Variants in THBS4 observed in about 807,000 individuals in gnomAD.
The protein encoded by THBS4 is thrombospondin 4, also known as thrombospondin-4.
Under a neutral mutation model 115.7 loss-of-function variants are expected in THBS4, and 90 were observed. The ratio of observed to expected loss-of-function variants is 0.78; its 90% confidence interval spans 0.66 to 0.93. The LOEUF is 0.93. Among genes scored for constraint, THBS4 ranks in the 40% least tolerant of loss-of-function variants. The probability of loss-of-function intolerance (pLI) is 0.00; values close to 1 mark genes in which losing one functional copy is unlikely to be tolerated. For synonymous variants in THBS4, 460 were observed against 479.3 expected, an observed-to-expected ratio of 0.96 and a Z score of 0.53; for missense variants, 1,087 against 1,232.7, an observed-to-expected ratio of 0.88 and a Z score of 1.77.
Position 80,057,226 on chromosome 5 carries a change from C to A in THBS4, c.541-980C>A, listed in dbSNP as rs922232022. On this transcript the variant is annotated intron_variant, in intron 3 of 21. Transcript: ENST00000350881. ...TGCTTATTTCAGAAATTAGTGTTCACCACCAAATAAGTCAATTTCTAAAAG... is the reference window on the plus strand; with the variant it reads ...TGCTTATTTCAGAAATTAGTGTTCAACACCAAATAAGTCAATTTCTAAAAG... Among the ~76,000 whole-genome samples the A allele has an allele frequency of 5.9e-5, 9 of 152,276 alleles. No homozygotes were observed. In the South Asian group the frequency reaches 1.2e-3, roughly 21 times the overall value.
chr5:80,063,046 G>A (rs551391252), intron 8 of THBS4, among the ~76,000 whole-genome samples: 4 of 152,294 alleles, frequency 2.6e-5, no homozygotes, highest in Non-Finnish European at 5.9e-5. Flanking sequence ...TTGGGTATAT[G>A]CCCAGTAATG....
At position 80,061,954 on chromosome 5, in the gene THBS4, G is replaced by A. The variant is rs903505495; in HGVS notation, c.1125+122G>A. 2.7e-6 allele frequency: 3 copies of A among 1,122,692 alleles called. No homozygotes were observed. In the Admixed American group the frequency reaches 9.5e-5, roughly 36 times the overall value. 69.5% of individuals were successfully genotyped at this position (1,122,692 alleles called of 1,614,324 possible). A position where few individuals can be genotyped will look rare whatever the true frequency, so the allele number is the denominator to read the frequency against. On this transcript the variant is annotated intron_variant, in intron 8 of 21. Coordinates refer to ENST00000350881, the MANE Select transcript of THBS4 (RefSeq NM_003248.6). ...AGTCAAGGCCATGTGGAATGTCATG[G>A]TGCAAAATGAGCAAATTAGGAAGTT...
chr5:80,001,216 T>C (rs1396359067), intron 2 of THBS4, among the ~76,000 whole-genome samples: 1 of 152,188 alleles, frequency 6.6e-6, no homozygotes, highest in Non-Finnish European at 1.5e-5. Flanking sequence ...CATCTAGAGG[T>C]GACTGTCAAT....
In THBS4 at chr5:80,083,124, G is replaced by A. The variant is rs146323134; in HGVS notation, c.2869G>A (p.Asp957Asn). Residue 957 changes from aspartate to asparagine, a missense_variant, in exon 22 of 22, where the codon GAC (aspartate) becomes AAC (asparagine). Asp to Asn is a conservative substitution (Grantham distance 23, BLOSUM62 1). Around this residue, in one of 3 missense-constraint regions of THBS4, gnomAD observed 103 missense variants for 108.2 expected, o/e 0.95. Coordinates refer to ENST00000350881, the MANE Select transcript of THBS4 (RefSeq NM_003248.6). ...CCAAGAGTTTCAAACCCAGAATTTC[G>A]ACCGCTTCGATAATTAAACCAAGGA... is the stretch of plus-strand genomic sequence containing the variant. The part of the protein sequence containing the change: ...DFQEFQTQNF[D>N]RFDN The A allele has an allele frequency of 9.8e-5, 158 of 1,613,662 alleles. No individual in the cohort carries two copies. Among genetic ancestry groups the A allele is most frequent in the Non-Finnish European group, 1.3e-4 (149 of 1,179,724 alleles).
At position 80,066,938 on chromosome 5, in the gene THBS4, A is replaced by C. The variant is rs536026068; in HGVS notation, c.1195-1035A>C. On this transcript the variant is annotated intron_variant, in intron 9 of 21. Transcript: ENST00000350881. ...CACAGCCAGGGAGGCTGAAAGATCGAGACAAGTCATTGGAAAGCATGCATT... is the reference window on the plus strand; with the variant it reads ...CACAGCCAGGGAGGCTGAAAGATCGCGACAAGTCATTGGAAAGCATGCATT... 2.6e-5 allele frequency: 4 copies of C among 152,380 alleles called. No individual in the cohort carries two copies. In the South Asian group the frequency reaches 8.3e-4, roughly 32 times the overall value. 9.4% of individuals were successfully genotyped at this position (152,380 alleles called of 1,614,324 possible). A position where few individuals can be genotyped will look rare whatever the true frequency, so the allele number is the denominator to read the frequency against.
At chr5:80,080,579 C>CTTTTTTTTTTTTTTTT (rs67048630) in intron 20 of THBS4, among the ~76,000 whole-genome samples, 648 of 50,476 alleles carry the variant, frequency 0.013, 121 homozygotes, top group Non-Finnish European at 0.016. Context: ...GCGCTTGTAT[C>CTTTTTTTTTTTTTTTT]TTTTTTTTTT....
At chr5:80,018,828 A>G (rs1021218590) in intron 2 of THBS4, among the ~76,000 whole-genome samples, 1 of 152,088 alleles carries the variant, frequency 6.6e-6, no homozygotes, top group Non-Finnish European at 1.5e-5. Flanking sequence ...CAAGTCTGTG[A>G]AAGTGTGATG....
intron 7 of THBS4, among the ~76,000 whole-genome samples, chr5:80,061,038 A>G (rs780594971): frequency 1.3e-5 from 2 of 152,182 alleles, no homozygotes; most frequent in Admixed American, 6.5e-5. Flanking sequence ...TAATCCCTCA[A>G]TTGGAGAAAC....
chr5:80,057,153 C>T (rs1833460422), intron 3 of THBS4, among the ~76,000 whole-genome samples: 1 of 152,174 alleles, frequency 6.6e-6, no homozygotes, highest in Non-Finnish European at 1.5e-5. Flanking sequence ...CTTTCTGCAT[C>T]CCCATAGTAG....
At chr5:80,030,982 C>A (rs1010417820), upstream of THBS4, among the ~76,000 whole-genome samples, 1 of 152,192 alleles carries the variant, frequency 6.6e-6, no homozygotes, top group Non-Finnish European at 1.5e-5. Context: ...TGGGTGATTT[C>A]CCCCACTTGC....
At chr5:80,024,427 C>A (rs1199437589) in intron 2 of THBS4, among the ~76,000 whole-genome samples, 2 of 152,160 alleles carry the variant, frequency 1.3e-5, no homozygotes, top group African/African-American at 4.8e-5. Context: ...TGTTACGCAC[C>A]ACCCTAGAGC....
chr5:80,055,341 A>G (rs1833387448), intron 2 of THBS4, among the ~76,000 whole-genome samples: 1 of 151,162 alleles, frequency 6.6e-6, no homozygotes, highest in South Asian at 2.1e-4. Context: ...AAAAAAGGGA[A>G]GAAATCAAGT....
chr5:80,029,332 A>G (rs1265554269), intron 2 of THBS4, among the ~76,000 whole-genome samples: 2 of 152,200 alleles, frequency 1.3e-5, no homozygotes, highest in African/African-American at 4.8e-5. Flanking sequence ...GAACCACCAT[A>G]TGGATGGATA....
At chr5:80,005,556 C>G (rs1248404191) in intron 2 of THBS4, among the ~76,000 whole-genome samples, 1 of 151,968 alleles carries the variant, frequency 6.6e-6, no homozygotes, top group Non-Finnish European at 1.5e-5. Context: ...GATGTGAATT[C>G]TAGAGAACTG....
chr5:80,014,702 A>G (rs1259416875), intron 2 of THBS4, among the ~76,000 whole-genome samples: 2 of 152,194 alleles, frequency 1.3e-5, no homozygotes, highest in Non-Finnish European at 2.9e-5. Context: ...GAGACTTTGA[A>G]TTGGACAAGA....
intron 2 of THBS4, among the ~76,000 whole-genome samples, chr5:80,007,494 G>A (rs994733056): frequency 3.9e-5 from 6 of 152,150 alleles, no homozygotes; most frequent in African/African-American, 1.2e-4. Flanking sequence ...GCTGGTGTTC[G>A]TGGCCAGTCC....
chr5:80,082,313 G>A, intron 20 of THBS4, 93 bp from the exon 21 acceptor site: 1 of 1,514,544 alleles, frequency 6.6e-7, no homozygotes, highest in Non-Finnish European at 9.0e-7. Flanking sequence ...AAAGACGCAG[G>A]TACGTATAAG....
At chr5:79,996,180 G>A (rs982443295) in intron 1 of THBS4, among the ~76,000 whole-genome samples, 2 of 151,942 alleles carry the variant, frequency 1.3e-5, no homozygotes, top group Non-Finnish European at 2.9e-5. Flanking sequence ...GACTATATCA[G>A]GGGTTAATAA....
At chr5:80,052,489 T>C (rs1328155703) in intron 2 of THBS4, 1 of 152,232 alleles carries the variant, frequency 6.6e-6, no homozygotes, top group East Asian at 1.9e-4. Flanking sequence ...TTTATTTATA[T>C]TTATTTAATA....
Sources: gnomAD v4.1 joint callset for allele counts (sites outside exome capture counted in the v4.1 genomes callset) on GRCh38, gnomAD v4.1.1 for gene constraint, gnomAD v4.1.1 regional missense constraint, MANE v1.5 for transcripts, NCBI Gene and HGNC (gene_info 2026-07-23, HGNC 2026-07-21) for gene names.